LRBA: variants seen among roughly 807,000 people sequenced by gnomAD.
LRBA encodes the protein lipopolysaccharide-responsive and beige-like anchor protein.
A neutral mutation model predicts 330.0 loss-of-function variants in LRBA; 176 were observed. The observed-to-expected ratio is 0.53, with a 90% CI of 0.47 to 0.60. The LOEUF is 0.60. Ranked by LOEUF, LRBA falls within the 20% of genes least tolerant of loss-of-function variation. The pLI is 0.00. For missense variants in LRBA, 3,259 were observed against 3,444.8 expected (o/e 0.95, Z 1.35); for synonymous variants, 1,230 against 1,193.0 (o/e 1.03, Z -0.64).
intron 37 of LRBA, among the ~76,000 whole-genome samples, chr4:150,661,439 C>T (rs1473865239): frequency 7.2e-6 from 1 of 139,586 alleles, no homozygotes; most frequent in Non-Finnish European, 1.5e-5. Context: ...CACTGCCCTC[C>T]AGCCTGGGCA....
chr4:150,738,022 C>G (rs1371024959), intron 35 of LRBA, among the ~76,000 whole-genome samples: 1 of 122,372 alleles, frequency 8.2e-6, no homozygotes, highest in African/African-American at 3.1e-5. Flanking sequence ...GACGAAGTTT[C>G]GCTCTGTCGC....
At chr4:150,999,416 G>A (rs1310737662) in intron 2 of LRBA, among the ~76,000 whole-genome samples, 1 of 151,880 alleles carries the variant, frequency 6.6e-6, no homozygotes, top group Non-Finnish European at 1.5e-5. Context: ...GTCTTTGGCT[G>A]GGCTGCTGAT....
intron 48 of LRBA, among the ~76,000 whole-genome samples, chr4:150,348,674 C>T (rs534018668): frequency 2.0e-5 from 3 of 152,090 alleles, no homozygotes; most frequent in South Asian, 2.1e-4. Context: ...TACAGGATAA[C>T]AGGAGAAAAC....
At position 150,831,870 on chromosome 4, in the gene LRBA, T is replaced by C; in HGVS notation, c.4676A>G (p.His1559Arg). 6.2e-7 allele frequency: 1 copy of C among 1,605,846 alleles called. No individual in the cohort carries two copies. Among genetic ancestry groups the C allele is most frequent in the Non-Finnish European group, 8.5e-7 (1 of 1,176,080 alleles). ...RDILEPQNER[H>R]SQSCTETGSE... The stretch of plus-strand genomic sequence containing the variant: ...GCCAGTTTCTGTACATGACTGGCTA[T>C]GCCTTTCATTTTGGGGTTCCAAAAT... Residue 1559 changes from histidine (H) to arginine (R), a missense_variant, in exon 29 of 57, where the codon CAT becomes CGT. By Grantham distance (29) the His-to-Arg change is conservative. Transcript: ENST00000651943.
At chr4:150,748,138 A>G (rs866966815) in intron 35 of LRBA, among the ~76,000 whole-genome samples, 2 of 152,220 alleles carry the variant, frequency 1.3e-5, no homozygotes, top group South Asian at 2.1e-4. Flanking sequence ...AATCCCATTC[A>G]TGAAAGCAAG....
chr4:150,712,890 A>C (rs1034872090), intron 36 of LRBA, among the ~76,000 whole-genome samples: 29 of 152,112 alleles, frequency 1.9e-4, no homozygotes, highest in Admixed American at 8.5e-4. Flanking sequence ...AACACACAGA[A>C]ACATTATGTT....
chr4:150,303,183 G>C (rs12645117), intron 52 of LRBA, among the ~76,000 whole-genome samples: 20 of 152,084 alleles, frequency 1.3e-4, no homozygotes, highest in Non-Finnish European at 5.9e-5. Flanking sequence ...ATTAAACTTA[G>C]TTGCTTTTCT....
chr4:150,471,345 T>C (rs1460014888), intron 43 of LRBA, among the ~76,000 whole-genome samples: 2 of 152,136 alleles, frequency 1.3e-5, no homozygotes, highest in Non-Finnish European at 2.9e-5. Context: ...GTGAATATAA[T>C]TTCCCTCTCT....
chr4:150,620,965 T>G (rs1776232816), intron 37 of LRBA, among the ~76,000 whole-genome samples: 1 of 152,146 alleles, frequency 6.6e-6, no homozygotes, highest in South Asian at 2.1e-4. Flanking sequence ...AAAAAAAAAC[T>G]TAGAGCCACA....
chr4:150,506,527 A>AC (rs1189982650), intron 40 of LRBA, among the ~76,000 whole-genome samples: 5 of 152,086 alleles, frequency 3.3e-5, no homozygotes, highest in Non-Finnish European at 7.4e-5. Flanking sequence ...AAATTCAACA[A>AC]CCCTTCATGC....
At chr4:150,723,792 G>C (rs955792665) in intron 36 of LRBA, among the ~76,000 whole-genome samples, 3 of 152,218 alleles carry the variant, frequency 2.0e-5, no homozygotes, top group Non-Finnish European at 4.4e-5. Context: ...CTCTTGGACA[G>C]CATTTCCAGA....
rs1193844027 is a variant in LRBA, at chr4:150,329,315, A to G, written c.7363-3417T>C. The stretch of plus-strand genomic sequence containing the variant: ...AAATTATAGAATAAGATTGTAAGGT[A>G]ATGACTATGATCTCAAAACTTTATA... On this transcript the variant is annotated intron_variant, in intron 48 of 56. Transcript: ENST00000651943. Among the ~76,000 whole-genome samples, 4 of 152,228 alleles carry G rather than the reference A, an allele frequency of 2.6e-5. No individual in the cohort carries two copies. In the South Asian group the frequency reaches 6.2e-4, roughly 24 times the overall value.
rs111563348 is a variant in LRBA at position 150,288,240 on chromosome 4, A to G, written c.8018-2206T>C. 5.1e-3 allele frequency among the ~76,000 whole-genome samples: 777 copies of G among 151,904 alleles called. 7 individuals carry two copies. The highest frequency in any genetic ancestry group is 0.018 in the African/African-American group (742 of 41,498). The stretch of plus-strand genomic sequence containing the variant: ...GTGATCCGCCTGCCTCGGCCTCCCA[A>G]AGTGCTGGGATTACAGGCGTGAGCC... On this transcript the variant is annotated intron_variant, in intron 53 of 56. Coordinates refer to ENST00000651943, the MANE Select transcript of LRBA (RefSeq NM_001364905.1).
intron 35 of LRBA, among the ~76,000 whole-genome samples, chr4:150,756,541 T>C (rs943077713): frequency 6.6e-6 from 1 of 152,194 alleles, no homozygotes; most frequent in Non-Finnish European, 1.5e-5. Context: ...TAAGCAACAG[T>C]GTTATGGAAT....
At chr4:150,990,896 G>A (rs1579424810) in intron 2 of LRBA, among the ~76,000 whole-genome samples, 2 of 152,182 alleles carry the variant, frequency 1.3e-5, no homozygotes, top group South Asian at 4.1e-4. Context: ...GTGCACACCT[G>A]TAATCCTAGC....
intron 37 of LRBA, among the ~76,000 whole-genome samples, chr4:150,675,897 T>C (rs1782501550): frequency 6.6e-6 from 1 of 152,196 alleles, no homozygotes; most frequent in Admixed American, 6.5e-5. Context: ...TTTTATTTTC[T>C]AATTCTTGAA....
chr4:150,458,951 T>G (rs926130438), intron 44 of LRBA, among the ~76,000 whole-genome samples: 3 of 151,984 alleles, frequency 2.0e-5, no homozygotes, highest in Non-Finnish European at 4.4e-5. Flanking sequence ...AATGAGACAC[T>G]GAAGAGCTGA....
chr4:150,701,513 A>G (rs979739052), intron 36 of LRBA, among the ~76,000 whole-genome samples: 6 of 152,272 alleles, frequency 3.9e-5, no homozygotes, highest in African/African-American at 1.4e-4. Flanking sequence ...AATGGCTACA[A>G]TGTCAGTAGG....
chr4:150,608,164 T>C (rs976198195), intron 37 of LRBA, among the ~76,000 whole-genome samples: 11 of 152,254 alleles, frequency 7.2e-5, no homozygotes, highest in Admixed American at 7.2e-4. Context: ...TGAGCTGAAA[T>C]TGTGCCACTG....
Sources: gnomAD v4.1 joint callset for allele counts (sites outside exome capture counted in the v4.1 genomes callset) on GRCh38, gnomAD v4.1.1 for gene constraint, MANE v1.5 for transcripts, NCBI Gene and HGNC (gene_info 2026-07-23, HGNC 2026-07-21) for gene names.